Variants in ALK observed in about 807,000 individuals in gnomAD.
The protein encoded by ALK is ALK tyrosine kinase receptor.
Under a neutral mutation model 163.1 loss-of-function variants are expected in ALK, and 74 were observed. The observed-to-expected ratio is 0.45, with a 90% CI of 0.38 to 0.55. ALK has a LOEUF of 0.55. Ranked by LOEUF, ALK falls within the 20% of genes least tolerant of loss-of-function variation. The pLI is 0.00. For missense variants in ALK, 2,063 were observed against 2,105.3 expected, an observed-to-expected ratio of 0.98 and a Z score of 0.39; for synonymous variants, 960 against 843.2, an observed-to-expected ratio of 1.14 and a Z score of -2.40.
intron 24 of ALK, among the ~76,000 whole-genome samples, chr2:29,213,318 A>G (rs898156558): frequency 5.9e-5 from 9 of 152,270 alleles, no homozygotes; most frequent in African/African-American, 2.2e-4. Flanking sequence ...TTGTAATAGA[A>G]GAAACTAAGT....
At chr2:29,882,896 T>C (rs1049783713) in intron 1 of ALK, among the ~76,000 whole-genome samples, 1 of 152,342 alleles carries the variant, frequency 6.6e-6, no homozygotes, top group South Asian at 2.1e-4. Flanking sequence ...TATCTGAAGT[T>C]CAAACTTAAC....
At chr2:29,681,324 T>C (rs1678060899) in intron 3 of ALK, 1 of 152,236 alleles carries the variant, frequency 6.6e-6, no homozygotes, top group Non-Finnish European at 1.5e-5. Flanking sequence ...CATACCCAGC[T>C]GTTTTGATTT....
At chr2:29,869,321 C>T (rs894689623) in intron 1 of ALK, among the ~76,000 whole-genome samples, 1 of 152,124 alleles carries the variant, frequency 6.6e-6, no homozygotes, top group Admixed American at 6.5e-5. Flanking sequence ...TGAATATATA[C>T]CTTCCTTAGG....
At chr2:29,837,516 G>A (rs1380652591) in intron 1 of ALK, among the ~76,000 whole-genome samples, 2 of 152,124 alleles carry the variant, frequency 1.3e-5, no homozygotes, top group Non-Finnish European at 2.9e-5. Flanking sequence ...TCCCATAACT[G>A]CAAGATACTG....
At chr2:29,500,194 C>T (rs751303409) in intron 4 of ALK, among the ~76,000 whole-genome samples, 11 of 152,106 alleles carry the variant, frequency 7.2e-5, no homozygotes, top group Non-Finnish European at 1.2e-4. Flanking sequence ...GGAGGTGGGA[C>T]CTGGTGGGAG....
intron 2 of ALK, 110 bp from the exon 3 acceptor site, chr2:29,695,124 C>T: frequency 7.9e-7 from 1 of 1,270,382 alleles, no homozygotes; most frequent in Non-Finnish European, 1.1e-6. Context: ...CATCCTTTGC[C>T]CTGTCCAAGG....
intron 3 of ALK, among the ~76,000 whole-genome samples, chr2:29,593,986 T>C (rs1192358587): frequency 6.6e-6 from 1 of 152,188 alleles, no homozygotes; most frequent in South Asian, 2.1e-4. Context: ...TTGTACTCCA[T>C]GGGACATTTG....
intron 4 of ALK, 38 bp downstream of exon 4, chr2:29,531,877 T>A (rs1673127464): frequency 1.9e-6 from 3 of 1,608,024 alleles, no homozygotes; most frequent in Admixed American, 1.7e-5. Flanking sequence ...CCAAATCACC[T>A]GGTATAAAAT....
chr2:29,260,056 T>C (rs1232132968), intron 11 of ALK, among the ~76,000 whole-genome samples: 1 of 152,206 alleles, frequency 6.6e-6, no homozygotes, highest in African/African-American at 2.4e-5. Flanking sequence ...TGTCATCTTT[T>C]TCATTTTAAA....
chr2:29,816,147 C>A (rs1558500980), intron 1 of ALK, among the ~76,000 whole-genome samples: 1 of 152,200 alleles, frequency 6.6e-6, no homozygotes, highest in Non-Finnish European at 1.5e-5. Context: ...TTTTAACACA[C>A]AGCTCAAGCT....
intron 8 of ALK, among the ~76,000 whole-genome samples, chr2:29,300,008 A>G (rs1666319694): frequency 1.3e-5 from 2 of 152,186 alleles, no homozygotes; most frequent in Admixed American, 1.3e-4. Flanking sequence ...GGGGCTGGCT[A>G]GCTGCTCTGA....
At chr2:29,256,568 G>A (rs1403177960) in intron 11 of ALK, among the ~76,000 whole-genome samples, 1 of 151,894 alleles carries the variant, frequency 6.6e-6, no homozygotes, top group Non-Finnish European at 1.5e-5. Flanking sequence ...CTTGAAAAGG[G>A]GCTCAGCTCC....
intron 3 of ALK, among the ~76,000 whole-genome samples, chr2:29,660,537 G>A (rs550498432): frequency 2.6e-5 from 4 of 152,174 alleles, no homozygotes; most frequent in Admixed American, 6.5e-5. Flanking sequence ...TTTAAAGGAG[G>A]GGAGTGGTGG....
At chr2:29,223,870 G>C (rs1311328011) in intron 19 of ALK, 1 of 400,202 alleles carries the variant, frequency 2.5e-6, no homozygotes, top group Non-Finnish European at 4.6e-6. Flanking sequence ...ATGCCCATGA[G>C]AGGAAATGGG....
intron 4 of ALK, among the ~76,000 whole-genome samples, chr2:29,490,512 C>T (rs185849281): frequency 1.3e-5 from 2 of 152,276 alleles, no homozygotes; most frequent in Admixed American, 1.3e-4. Flanking sequence ...TCGTTCCAGC[C>T]TAGAGTCAGA....
At chr2:29,477,009 C>A (rs532813621) in intron 4 of ALK, among the ~76,000 whole-genome samples, 1 of 152,086 alleles carries the variant, frequency 6.6e-6, no homozygotes, top group African/African-American at 2.4e-5. Flanking sequence ...AGAGTTGATG[C>A]GAAGGGGTGG....
At chr2:29,215,761 C>T (rs201983399) in intron 23 of ALK, among the ~76,000 whole-genome samples, 25 of 152,316 alleles carry the variant, frequency 1.6e-4, no homozygotes, top group East Asian at 5.8e-4. Flanking sequence ...CACCCACAAA[C>T]GGCAAACACC....
chr2:29,522,191 C>T (rs983152042), intron 4 of ALK, among the ~76,000 whole-genome samples: 4 of 152,210 alleles, frequency 2.6e-5, no homozygotes, highest in Non-Finnish European at 4.4e-5. Context: ...GGGCTCAGAT[C>T]CAGTCTACTC....
chr2:29,881,175 G>A (rs1040048727), intron 1 of ALK, among the ~76,000 whole-genome samples: 2 of 152,216 alleles, frequency 1.3e-5, no homozygotes, highest in East Asian at 3.9e-4. Context: ...GAGGAATGCA[G>A]GCTGCTTTGC....
Sources: gnomAD v4.1 joint callset for allele counts (sites outside exome capture counted in the v4.1 genomes callset) on GRCh38, gnomAD v4.1.1 for gene constraint, MANE v1.5 for transcripts, NCBI Gene and HGNC (gene_info 2026-07-23, HGNC 2026-07-21) for gene names.